ACER3: variants seen among roughly 807,000 people sequenced by gnomAD.
The protein encoded by ACER3 is alkaline ceramidase 3.
A neutral mutation model predicts 48.9 loss-of-function variants in ACER3; 16 were observed. The ratio of observed to expected loss-of-function variants is 0.33; its 90% confidence interval spans 0.22 to 0.50. ACER3 has a LOEUF of 0.50. Among genes scored for constraint, ACER3 ranks in the 20% least tolerant of loss-of-function variants. The probability of loss-of-function intolerance (pLI) is 0.98; values close to 1 mark genes in which losing one functional copy is unlikely to be tolerated. For synonymous variants in ACER3, 109 were observed against 107.8 expected, an observed-to-expected ratio of 1.01 and a Z score of -0.07; for missense variants, 227 against 326.0, an observed-to-expected ratio of 0.70 and a Z score of 2.34.
chr11:76,865,241 T>A (rs1412027207), intron 1 of ACER3, among the ~76,000 whole-genome samples: 1 of 150,548 alleles, frequency 6.6e-6, no homozygotes, highest in Non-Finnish European at 1.5e-5. Flanking sequence ...CACCTCAGCC[T>A]CCCAAAGTGT....
chr11:76,972,827 C>G (rs1379396763), intron 3 of ACER3, among the ~76,000 whole-genome samples: 1 of 152,208 alleles, frequency 6.6e-6, no homozygotes, highest in Non-Finnish European at 1.5e-5. Flanking sequence ...GGGGGGAACC[C>G]CTGTATTGTT....
intron 6 of ACER3, among the ~76,000 whole-genome samples, chr11:76,993,282 C>T (rs192251682): frequency 6.6e-6 from 1 of 152,298 alleles, no homozygotes; most frequent in Non-Finnish European, 1.5e-5. Flanking sequence ...AAGGACCTTA[C>T]ACCCTATCTC....
chr11:76,982,365 C>T (rs1316232704), intron 4 of ACER3, among the ~76,000 whole-genome samples: 2 of 151,154 alleles, frequency 1.3e-5, no homozygotes, highest in African/African-American at 4.9e-5. Context: ...TACAGGCACC[C>T]GCCACCACCT....
At chr11:76,978,012 G>A (rs886545982) in intron 4 of ACER3, among the ~76,000 whole-genome samples, 11 of 152,256 alleles carry the variant, frequency 7.2e-5, no homozygotes, top group Middle Eastern at 3.4e-3. Context: ...TGCCACCTCC[G>A]CCCCCTCTGG....
intron 3 of ACER3, among the ~76,000 whole-genome samples, chr11:76,971,469 G>A (rs1948301180): frequency 2.0e-5 from 3 of 151,984 alleles, no homozygotes; most frequent in Admixed American, 1.3e-4. Flanking sequence ...GAACCCGGGA[G>A]GCAGAGGTTG....
chr11:76,893,813 T>G (rs1280704768), intron 1 of ACER3, among the ~76,000 whole-genome samples: 2 of 152,220 alleles, frequency 1.3e-5, no homozygotes, highest in African/African-American at 4.8e-5. Flanking sequence ...CAAACTACCT[T>G]TTTTTAATCC....
chr11:76,971,640 C>T (rs527647961), intron 3 of ACER3, among the ~76,000 whole-genome samples: 11 of 152,142 alleles, frequency 7.2e-5, no homozygotes, highest in African/African-American at 2.2e-4. Context: ...AAAACTCAAA[C>T]GGTCAGAAGA....
intron 2 of ACER3, among the ~76,000 whole-genome samples, chr11:76,929,223 A>G (rs1946923954): frequency 1.3e-5 from 2 of 152,098 alleles, no homozygotes; most frequent in Admixed American, 1.3e-4. Context: ...CTTTGAAGCA[A>G]TTGTGAATGG....
intron 2 of ACER3, among the ~76,000 whole-genome samples, chr11:76,931,617 C>T (rs1429715251): frequency 6.6e-6 from 1 of 152,150 alleles, no homozygotes; most frequent in Non-Finnish European, 1.5e-5. Flanking sequence ...TTGTTCCTTT[C>T]CATGTTTAGT....
At chr11:76,914,175 A>G (rs1291747135) in intron 1 of ACER3, among the ~76,000 whole-genome samples, 1 of 152,250 alleles carries the variant, frequency 6.6e-6, no homozygotes, top group African/African-American at 2.4e-5. Flanking sequence ...AAAGCATGGC[A>G]ACAAAAGCCA....
chr11:76,938,487 T>G (rs1947253730), intron 2 of ACER3, among the ~76,000 whole-genome samples: 1 of 152,006 alleles, frequency 6.6e-6, no homozygotes, highest in Admixed American at 6.6e-5. Flanking sequence ...CCCGGCTTAC[T>G]TATTTATTTA....
At chr11:76,901,262 C>T (rs1277817171) in intron 1 of ACER3, among the ~76,000 whole-genome samples, 1 of 118,380 alleles carries the variant, frequency 8.4e-6, no homozygotes, top group East Asian at 2.4e-4. Flanking sequence ...CCAACATTGT[C>T]CAACATTTAA....
chr11:77,009,701 C>T (rs544246494), intron 7 of ACER3, among the ~76,000 whole-genome samples: 1 of 152,244 alleles, frequency 6.6e-6, no homozygotes, highest in East Asian at 1.9e-4. Context: ...GTCCCAGCTA[C>T]TCAGCAGGCT....
intron 1 of ACER3, among the ~76,000 whole-genome samples, chr11:76,891,026 C>T (rs1271008121): frequency 1.3e-5 from 2 of 151,248 alleles, no homozygotes; most frequent in African/African-American, 4.9e-5. Context: ...GGCTGAGGCA[C>T]GAGAATCGCT....
intron 1 of ACER3, among the ~76,000 whole-genome samples, chr11:76,924,755 G>C (rs1946774187): frequency 6.6e-6 from 1 of 151,952 alleles, no homozygotes; most frequent in South Asian, 2.1e-4. Context: ...TGTAAATAAT[G>C]TGCACTGCTA....
At chr11:76,960,164 A>T (rs575310640) in intron 3 of ACER3, among the ~76,000 whole-genome samples, 1 of 152,258 alleles carries the variant, frequency 6.6e-6, no homozygotes, top group African/African-American at 2.4e-5. Flanking sequence ...TAATCCCAGC[A>T]CTTTGAGAGG....
At position 77,025,412 on chromosome 11, in the gene ACER3, T is replaced by TATG. The variant is rs575045221; in HGVS notation, c.*5085_*5086insATG. The TATG allele has an allele frequency of 1.6e-4, 11 of 69,236 alleles. No individual in the cohort carries two copies. In the South Asian group the frequency reaches 2.4e-3, roughly 15 times the overall value. The allele number at this position is 69,236 out of a possible 1,614,324, so 4.3% of individuals were successfully genotyped here. A position where few individuals can be genotyped will look rare whatever the true frequency, so the allele number is the denominator to read the frequency against. On this transcript the variant is annotated 3_prime_UTR_variant, in exon 11 of 11. Transcript: ENST00000532485. ...ATTCTTTATATATATATATATATAT[T>TATG]TATTTATTTTTTTGAGACAGAGTCT...
chr11:76,912,274 G>T (rs978700709), intron 1 of ACER3, among the ~76,000 whole-genome samples: 2 of 152,072 alleles, frequency 1.3e-5, no homozygotes, highest in Non-Finnish European at 2.9e-5. Flanking sequence ...AGCTGAGAGA[G>T]AAGCATGACA....
chr11:76,992,709 G>C (rs1211423916), intron 6 of ACER3, among the ~76,000 whole-genome samples: 1 of 152,132 alleles, frequency 6.6e-6, no homozygotes, highest in Non-Finnish European at 1.5e-5. Context: ...ACCAAATTCT[G>C]AGCTGGAATT....
Sources: gnomAD v4.1 joint callset for allele counts (sites outside exome capture counted in the v4.1 genomes callset) on GRCh38, gnomAD v4.1.1 for gene constraint, MANE v1.5 for transcripts, NCBI Gene and HGNC (gene_info 2026-07-23, HGNC 2026-07-21) for gene names.